The following JAZF1 variants were observed in gnomAD, a reference collection of about 807,000 sequenced individuals.
JAZF1 encodes the protein juxtaposed with another zinc finger protein 1.
A neutral mutation model predicts 26.4 loss-of-function variants in JAZF1; 8 were observed. That is an observed-to-expected ratio of 0.30 (90% CI 0.18 to 0.55). The LOEUF (loss-of-function observed/expected upper bound fraction) is 0.55, where lower values mean the gene tolerates loss of function less well. Ranked by LOEUF, JAZF1 falls within the 20% of genes least tolerant of loss-of-function variation. JAZF1 has a pLI of 0.94. For missense variants in JAZF1, 199 were observed against 322.0 expected, an observed-to-expected ratio of 0.62 and a Z score of 2.92; for synonymous variants, 126 against 122.3, an observed-to-expected ratio of 1.03 and a Z score of -0.20.
chr7:28,079,017 T>C (rs1457111044), intron 1 of JAZF1, among the ~76,000 whole-genome samples: 1 of 150,438 alleles, frequency 6.6e-6, no homozygotes, highest in Non-Finnish European at 1.5e-5. Flanking sequence ...TGAGACAGAG[T>C]TTGCTCTGTT....
At chr7:28,069,428 TCACTA>T (rs1456288106) in intron 1 of JAZF1, among the ~76,000 whole-genome samples, 1 of 152,220 alleles carries the variant, frequency 6.6e-6, no homozygotes, top group African/African-American at 2.4e-5. Context: ...ACCTTTCACT[TCACTA>T]AAGATAGTCT....
intron 3 of JAZF1, among the ~76,000 whole-genome samples, chr7:27,872,900 C>T (rs926962677): frequency 1.1e-4 from 16 of 152,064 alleles, no homozygotes; most frequent in African/African-American, 2.4e-4. Context: ...AAAGTACCTA[C>T]GCAACGGAGC....
intron 1 of JAZF1, among the ~76,000 whole-genome samples, chr7:28,096,389 C>T (rs560330208): frequency 1.3e-5 from 2 of 152,314 alleles, no homozygotes; most frequent in East Asian, 1.9e-4. Flanking sequence ...CCATATATGT[C>T]GGAAATGACC....
chr7:27,905,707 C>G (rs1368230439), intron 2 of JAZF1, among the ~76,000 whole-genome samples: 1 of 151,536 alleles, frequency 6.6e-6, no homozygotes, highest in Non-Finnish European at 1.5e-5. Context: ...GCCATGTATA[C>G]CTTATCTAAC....
rs376113779 is a variant in JAZF1, at chr7:28,105,962, A to G, written c.115+74501T>C. On this transcript the variant is annotated intron_variant, in intron 1 of 4. Transcript: ENST00000283928. ...TTCCAGGAATAACAACATATTCCCA[A>G]GAAAAATGAGGTAGCATGGGAAACT... Among the ~76,000 whole-genome samples, 32 of 152,336 alleles carry G rather than the reference A, an allele frequency of 2.1e-4. 1 individual carries two copies. In the East Asian group the frequency reaches 3.7e-3, roughly 17 times the overall value.
chr7:27,990,051 T>C (rs1326045110), intron 2 of JAZF1, among the ~76,000 whole-genome samples: 2 of 152,164 alleles, frequency 1.3e-5, no homozygotes, highest in East Asian at 1.9e-4. Context: ...CCATCAGTGA[T>C]AGACTGGATT....
In JAZF1 at chr7:27,831,628, T is replaced by C. The variant is rs1782702130; in HGVS notation, c.*1172A>G. On this transcript the variant is annotated 3_prime_UTR_variant, in exon 5 of 5. Transcript: ENST00000283928. ...CATTTTCCTATTTCAGCAAAGTGTTTGTTTTATAAAGCTAAACAGACATTT... is the reference window on the plus strand; with the variant it reads ...CATTTTCCTATTTCAGCAAAGTGTTCGTTTTATAAAGCTAAACAGACATTT... 1 of 226,114 alleles carries C rather than the reference T, an allele frequency of 4.4e-6. No individual in the cohort carries two copies. Among genetic ancestry groups the C allele is most frequent in the African/African-American group, 2.2e-5 (1 of 45,052 alleles). 14.0% of individuals were successfully genotyped at this position (226,114 alleles called of 1,614,324 possible).
intron 3 of JAZF1, among the ~76,000 whole-genome samples, chr7:27,857,373 G>A (rs10228576): frequency 0.075 from 11,354 of 152,208 alleles, 497 homozygotes; most frequent in African/African-American, 0.12. Flanking sequence ...CCACAGCCCC[G>A]GTTCCCACCT....
chr7:28,000,597 TTTTTCTTTC>T (rs1786127752), intron 1 of JAZF1, among the ~76,000 whole-genome samples: 1 of 67,080 alleles, frequency 1.5e-5, no homozygotes, highest in Non-Finnish European at 4.2e-5. Context: ...TCCTATTTTC[TTTTTCTTTC>T]TTTCTTTCTT....
rs1159355473 is a variant in JAZF1 at position 27,832,467 on chromosome 7, C to G, written c.*333G>C. 8.4e-6 allele frequency: 2 copies of G among 237,532 alleles called. No homozygotes were observed. Among genetic ancestry groups the G allele is most frequent in the Non-Finnish European group, 1.7e-5 (2 of 120,950 alleles). The allele number at this position is 237,532 out of a possible 1,614,324, so 14.7% of individuals were successfully genotyped here. On this transcript the variant is annotated 3_prime_UTR_variant, in exon 5 of 5. Coordinates refer to ENST00000283928, the MANE Select transcript of JAZF1 (RefSeq NM_175061.4). ...TCTCAGTGCCAGCCCCTCCTCCCCCCAGGTTGATACCACCGCAATACAATT... is the reference window on the plus strand; with the variant it reads ...TCTCAGTGCCAGCCCCTCCTCCCCCGAGGTTGATACCACCGCAATACAATT...
At chr7:28,180,429 G>T (rs758974506) in intron 1 of JAZF1, 34 bp downstream of exon 1, 1 of 1,546,336 alleles carries the variant, frequency 6.5e-7, no homozygotes, top group Non-Finnish European at 8.9e-7. Context: ...GTTTCCGCGC[G>T]CCTGGCACCC....
At chr7:28,048,502 T>C (rs993411256) in intron 1 of JAZF1, among the ~76,000 whole-genome samples, 2 of 152,186 alleles carry the variant, frequency 1.3e-5, no homozygotes, top group Non-Finnish European at 2.9e-5. Flanking sequence ...AGGCCAGGAA[T>C]GCTGGCAAAA....
chr7:27,995,892 C>T (rs1378448588), intron 1 of JAZF1, among the ~76,000 whole-genome samples: 1 of 152,162 alleles, frequency 6.6e-6, no homozygotes, highest in Admixed American at 6.5e-5. Flanking sequence ...AACAGCAAGG[C>T]AGATAGCAGA....
At chr7:27,995,266 A>T (rs966710698) in intron 1 of JAZF1, among the ~76,000 whole-genome samples, 1 of 152,208 alleles carries the variant, frequency 6.6e-6, no homozygotes, top group African/African-American at 2.4e-5. Flanking sequence ...CACCTCAGCA[A>T]ATGGTCTATG....
At chr7:28,029,161 G>A (rs1320373667) in intron 1 of JAZF1, among the ~76,000 whole-genome samples, 1 of 152,082 alleles carries the variant, frequency 6.6e-6, no homozygotes, top group African/African-American at 2.4e-5. Context: ...GATGGCCCCG[G>A]GGAGGAATAG....
chr7:28,164,859 C>T (rs753563930), intron 1 of JAZF1, among the ~76,000 whole-genome samples: 4 of 152,080 alleles, frequency 2.6e-5, no homozygotes. Context: ...GAAAAATGTA[C>T]CAAACATTAT....
At chr7:27,871,496 C>T (rs1305622061) in intron 3 of JAZF1, among the ~76,000 whole-genome samples, 3 of 152,194 alleles carry the variant, frequency 2.0e-5, no homozygotes, top group African/African-American at 7.2e-5. Flanking sequence ...AAGGAAAGTA[C>T]TTTCCAGTTA....
chr7:27,946,499 G>A (rs1784926076), intron 2 of JAZF1, among the ~76,000 whole-genome samples: 1 of 152,174 alleles, frequency 6.6e-6, no homozygotes, highest in Non-Finnish European at 1.5e-5. Context: ...GAGTCTCCAT[G>A]ATTCCCCCAA....
chr7:28,016,626 A>G (rs1236675003), intron 1 of JAZF1, among the ~76,000 whole-genome samples: 3 of 152,110 alleles, frequency 2.0e-5, no homozygotes, highest in African/African-American at 4.8e-5. Context: ...TTCTAGACCA[A>G]ATACATCACC....
Sources: allele counts gnomAD v4.1 joint callset (sites outside exome capture counted in the v4.1 genomes callset), GRCh38; gene constraint gnomAD v4.1.1; transcripts MANE v1.5; gene names NCBI Gene and HGNC (gene_info 2026-07-23, HGNC 2026-07-21).